Variants in STK10 observed in about 807,000 individuals in gnomAD.
The protein encoded by STK10 is serine/threonine kinase 10, also known as serine/threonine-protein kinase 10.
A neutral mutation model predicts 113.8 loss-of-function variants in STK10; 78 were observed. That is an observed-to-expected ratio of 0.69 (90% CI 0.57 to 0.83). The LOEUF (loss-of-function observed/expected upper bound fraction) is 0.83. Ranked by LOEUF, STK10 falls within the 40% of genes least tolerant of loss-of-function variation. The pLI is 0.00. For missense variants in STK10, 1,109 were observed against 1,280.1 expected (o/e 0.87, Z 2.04); for synonymous variants, 465 against 494.7 (o/e 0.94, Z 0.80).
intron 7 of STK10, among the ~76,000 whole-genome samples, chr5:172,098,176 A>G (rs1460614253): frequency 2.0e-5 from 3 of 152,266 alleles, no homozygotes; most frequent in African/African-American, 7.2e-5. Context: ...TAGCACCTGG[A>G]AAACACATTC....
intron 12 of STK10, among the ~76,000 whole-genome samples, chr5:172,066,985 C>T (rs1416552338): frequency 6.6e-6 from 1 of 152,178 alleles, no homozygotes; most frequent in African/African-American, 2.4e-5. Context: ...TGCAGGGTTT[C>T]CTGTTAAACA....
At chr5:172,176,888 C>T (rs923959088) in intron 1 of STK10, among the ~76,000 whole-genome samples, 18 of 152,042 alleles carry the variant, frequency 1.2e-4, no homozygotes, top group African/African-American at 4.1e-4. Context: ...AAAACAGACC[C>T]CAGAGGCCGG....
intron 1 of STK10, among the ~76,000 whole-genome samples, chr5:172,171,791 T>C (rs1770669388): frequency 8.3e-6 from 1 of 120,144 alleles, no homozygotes; most frequent in Non-Finnish European, 1.9e-5. Context: ...TCTAGAAATA[T>C]TCACTCATTA....
At chr5:172,078,619 T>TAAAAAAAAA (rs58823824) in intron 12 of STK10, among the ~76,000 whole-genome samples, 14 of 72,848 alleles carry the variant, frequency 1.9e-4, no homozygotes, top group East Asian at 7.2e-4. Flanking sequence ...GCCTCATCAT[T>TAAAAAAAAA]AAAAAAAAAA....
At chr5:172,107,281 G>A (rs536626335) in intron 5 of STK10, among the ~76,000 whole-genome samples, 137 of 152,232 alleles carry the variant, frequency 9.0e-4, no homozygotes, top group Non-Finnish European at 1.8e-3. Context: ...TTGGAAACAC[G>A]GCAAACAGAG....
chr5:172,069,080 T>C (rs1200553677), intron 12 of STK10, among the ~76,000 whole-genome samples: 1 of 151,464 alleles, frequency 6.6e-6, no homozygotes, highest in Non-Finnish European at 1.5e-5. Context: ...ACATAAAATA[T>C]AAACTAATTC....
chr5:172,143,763 G>C (rs982536854), intron 2 of STK10, among the ~76,000 whole-genome samples: 1 of 152,182 alleles, frequency 6.6e-6, no homozygotes, highest in Non-Finnish European at 1.5e-5. Flanking sequence ...CCTTGAAGAA[G>C]CAGTTTACAT....
Position 172,061,222 on chromosome 5 carries a change from A to G in STK10, c.2129T>C (p.Met710Thr), listed in dbSNP as rs34936670. 3 of 1,613,148 alleles carry G rather than the reference A, an allele frequency of 1.9e-6. No homozygotes were observed. Among genetic ancestry groups the G allele is most frequent in the East Asian group, 4.5e-5 (2 of 44,826 alleles). Residue 710 changes from methionine to threonine, a missense_variant, in exon 14 of 19, where the codon ATG (methionine) becomes ACG (threonine). This residue lies in a region of STK10 where 885 missense variants were observed against 991.1 expected (regional missense o/e 0.89). Transcript: ENST00000176763. The stretch of plus-strand genomic sequence containing the variant: ...CCTGTTGTCGGTGGTGAGCCTCTTC[A>G]TGGCCAGCTCCAGGTCCTCCTTCTG... The part of the protein sequence containing the change: ...AKQKEDLELA[M>T]KRLTTDNRRE...
intron 2 of STK10, among the ~76,000 whole-genome samples, chr5:172,141,488 G>A (rs1769971133): frequency 6.6e-6 from 1 of 151,908 alleles, no homozygotes; most frequent in Non-Finnish European, 1.5e-5. Context: ...GGCTGACGTG[G>A]GAGGATGGCT....
rs762498949 is a variant in STK10, at chr5:172,093,511, C to G, written c.1455G>C (p.Ser485=). ...CAGAGGTGCAGAGGCTGCTGCAGTC[C>G]GAGTCCCTCTTGGAAGGCCCTGGAG... The part of the protein sequence containing the change: ...QAAPGPSKRD[S]DCSSLCTSES... The change falls in exon 9 of 19, where the codon TCG becomes TCC. Residue 485 remains serine, a synonymous_variant. Transcript: ENST00000176763. The surrounding 1 kb of genome is among the most constrained non-coding windows in gnomAD (Gnocchi z 4.1). 1 of 1,614,228 alleles carries G rather than the reference C, an allele frequency of 6.2e-7. No individual in the cohort carries two copies. The highest frequency in any genetic ancestry group is 8.5e-7 in the Non-Finnish European group (1 of 1,180,026).
chr5:172,091,992 C>T (rs1425086935), intron 9 of STK10, among the ~76,000 whole-genome samples: 1 of 144,674 alleles, frequency 6.9e-6, no homozygotes, highest in Non-Finnish European at 1.5e-5. Context: ...TGTTTTTGCT[C>T]CCTGAGGTCT....
At chr5:172,094,609 C>A (rs1466444757) in intron 8 of STK10, among the ~76,000 whole-genome samples, 1 of 152,168 alleles carries the variant, frequency 6.6e-6, no homozygotes, top group Non-Finnish European at 1.5e-5. Flanking sequence ...GTCTCAAACT[C>A]CTGGACTCAA....
chr5:172,053,109 C>A, intron 17 of STK10, 67 bp from the exon 18 acceptor site: 4 of 1,308,994 alleles, frequency 3.1e-6, no homozygotes, highest in Non-Finnish European at 4.4e-6. Flanking sequence ...CTGAGACACA[C>A]CTCACGCTGT....
At chr5:172,090,619 G>A (rs1231849550) in intron 9 of STK10, among the ~76,000 whole-genome samples, 1 of 152,110 alleles carries the variant, frequency 6.6e-6, no homozygotes, top group Non-Finnish European at 1.5e-5. Context: ...CACCTCTCAT[G>A]CATCCAGGAC....
chr5:172,048,145 A>G (rs1767535924), intron 18 of STK10, among the ~76,000 whole-genome samples: 1 of 152,154 alleles, frequency 6.6e-6, no homozygotes, highest in Non-Finnish European at 1.5e-5. Context: ...CACCAGCTAG[A>G]TGTCACTATG....
chr5:172,079,574 T>TTTATTTATTTATTTATTTA (rs376382909), intron 12 of STK10, among the ~76,000 whole-genome samples: 59 of 147,690 alleles, frequency 4.0e-4, no homozygotes, highest in South Asian at 1.9e-3. Flanking sequence ...TATTTATTTA[T>TTTATTTATTTATTTATTTA]TTTTGAGATG....
intron 4 of STK10, among the ~76,000 whole-genome samples, chr5:172,117,148 A>G (rs1253996677): frequency 6.6e-6 from 1 of 151,752 alleles, no homozygotes; most frequent in Admixed American, 6.6e-5. Context: ...GCATGGTGGC[A>G]GGTGCCTGTG....
intron 3 of STK10, among the ~76,000 whole-genome samples, chr5:172,126,489 G>A (rs534447208): frequency 3.9e-5 from 6 of 152,196 alleles, no homozygotes; most frequent in South Asian, 2.1e-4. Flanking sequence ...ACCTGAACCC[G>A]GGAGGTGGAG....
chr5:172,065,959 A>G (rs1251797164), intron 12 of STK10, among the ~76,000 whole-genome samples: 1 of 152,178 alleles, frequency 6.6e-6, no homozygotes, highest in African/African-American at 2.4e-5. Context: ...TCTGTCTTTT[A>G]TAACAGGAGG....
Sources: gnomAD v4.1 joint callset for allele counts (sites outside exome capture counted in the v4.1 genomes callset) on GRCh38, gnomAD v4.1.1 for gene constraint, gnomAD v4.1.1 regional missense constraint, Gnocchi (gnomAD v3.1) non-coding constraint, MANE v1.5 for transcripts, NCBI Gene and HGNC (gene_info 2026-07-23, HGNC 2026-07-21) for gene names.